Variants in ANKRD6 observed in about 807,000 individuals in gnomAD.
The protein encoded by ANKRD6 is ankyrin repeat domain-containing protein 6.
A neutral mutation model predicts 82.3 loss-of-function variants in ANKRD6; 56 were observed. The observed-to-expected ratio is 0.68, with a 90% CI of 0.55 to 0.85. ANKRD6 has a LOEUF of 0.85. Among genes scored for constraint, ANKRD6 ranks in the 40% least tolerant of loss-of-function variants. The pLI, the probability that ANKRD6 is intolerant of heterozygous loss-of-function variation, is 0.00. For synonymous variants in ANKRD6, 347 were observed against 352.1 expected (o/e 0.99, Z 0.16); for missense variants, 852 against 907.6 (o/e 0.94, Z 0.79).
At chr6:89,574,492 C>T (rs755400155) in intron 2 of ANKRD6, among the ~76,000 whole-genome samples, 22 of 152,140 alleles carry the variant, frequency 1.4e-4, no homozygotes, top group Non-Finnish European at 2.5e-4. Context: ...TCTAAGTGGA[C>T]ATAAAATATT....
chr6:89,590,347 T>C (rs955885713), intron 2 of ANKRD6, among the ~76,000 whole-genome samples: 2 of 152,088 alleles, frequency 1.3e-5, no homozygotes, highest in Non-Finnish European at 2.9e-5. Flanking sequence ...CATCCTGTGG[T>C]TCTCAACAAG....
rs1775318842 is a variant in ANKRD6 at position 89,470,512 on chromosome 6, T to C, written c.-144+37137T>C. 1.3e-5 allele frequency among the ~76,000 whole-genome samples: 2 copies of C among 152,002 alleles called. 1 individual carries two copies. Among genetic ancestry groups the C allele is most frequent in the Non-Finnish European group, 2.9e-5 (2 of 67,992 alleles). On this transcript the variant is annotated intron_variant, in intron 1 of 15. Coordinates refer to ENST00000339746, the MANE Select transcript of ANKRD6 (RefSeq NM_001242809.2). ...GATGAGTGCCTATAGTCCCAGATACTCAGGAGGCTGAGGCAAGAGGATTGT... is the reference window on the plus strand; with the variant it reads ...GATGAGTGCCTATAGTCCCAGATACCCAGGAGGCTGAGGCAAGAGGATTGT...
intron 1 of ANKRD6, among the ~76,000 whole-genome samples, chr6:89,565,986 C>T (rs1788440775): frequency 6.6e-6 from 1 of 152,106 alleles, no homozygotes. Context: ...GGGGGGAGTC[C>T]CAGTCTTTAA....
rs1337962307 is a variant in ANKRD6 at position 89,626,672 on chromosome 6, G to T, written c.1372-911G>T. ...GGGAGCTCACCAGTGAGCCTTCGCGGATTGGCTCTTCCTAACAATAGTTCC... is the reference window on the plus strand; with the variant it reads ...GGGAGCTCACCAGTGAGCCTTCGCGTATTGGCTCTTCCTAACAATAGTTCC... On this transcript the variant is annotated intron_variant, in intron 13 of 15. Coordinates refer to ENST00000339746, the MANE Select transcript of ANKRD6 (RefSeq NM_001242809.2). Among the ~76,000 whole-genome samples, 4 of 152,224 alleles carry T rather than the reference G, an allele frequency of 2.6e-5. No individual in the cohort carries two copies. In the South Asian group the frequency reaches 8.3e-4, roughly 32 times the overall value.
chr6:89,607,610 T>C (rs918169859), intron 5 of ANKRD6, among the ~76,000 whole-genome samples: 2 of 152,122 alleles, frequency 1.3e-5, no homozygotes, highest in African/African-American at 4.8e-5. Context: ...TTTCCCAAAT[T>C]TTCCAGAATG....
intron 10 of ANKRD6, among the ~76,000 whole-genome samples, chr6:89,623,038 G>A (rs1409673511): frequency 1.4e-5 from 2 of 146,384 alleles, no homozygotes; most frequent in East Asian, 2.2e-4. Flanking sequence ...GGGCGGGAGG[G>A]GGGCTGCATC....
rs372393432 is a variant in ANKRD6, at chr6:89,480,941, C to CAAAA, written c.-144+47577_-144+47580dup. ...TGGGTGACAGAGTAAGACCCTGTCT[C>CAAAA]AAAAAAAAAAAAAATAGAAGAAGAA... On this transcript the variant is annotated intron_variant, in intron 1 of 15. Transcript: ENST00000339746. Among the ~76,000 whole-genome samples the CAAAA allele has an allele frequency of 8.0e-3, 739 of 92,936 alleles. 43 individuals are homozygous for CAAAA. The highest frequency in any genetic ancestry group is 0.03 in the African/African-American group (703 of 23,820). 61.0% of individuals were successfully genotyped at this position (92,936 alleles called of 152,430 possible).
chr6:89,610,871 G>C (rs1421662494), intron 5 of ANKRD6, among the ~76,000 whole-genome samples: 3 of 151,450 alleles, frequency 2.0e-5, no homozygotes, highest in Admixed American at 2.0e-4. Flanking sequence ...TGGGCTAAAG[G>C]GTTTCCCGGA....
chr6:89,478,482 C>T (rs1040021998), intron 1 of ANKRD6: 5 of 152,188 alleles, frequency 3.3e-5, no homozygotes, highest in African/African-American at 1.2e-4. Flanking sequence ...CCTGTAATCC[C>T]AGCACTTTGG....
At position 89,502,920 on chromosome 6, in the gene ANKRD6, C is replaced by T. The variant is rs1779421914; in HGVS notation, c.-143-63914C>T. ...TGGCTGGTTCTAACAGGATTTCCCCCATCCTTTGCTGCAGCTGCTTCTATT... is the reference window on the plus strand; with the variant it reads ...TGGCTGGTTCTAACAGGATTTCCCCTATCCTTTGCTGCAGCTGCTTCTATT... On this transcript the variant is annotated intron_variant, in intron 1 of 15. Coordinates refer to ENST00000339746, the MANE Select transcript of ANKRD6 (RefSeq NM_001242809.2). Among the ~76,000 whole-genome samples the T allele has an allele frequency of 2.6e-5, 4 of 152,074 alleles. No homozygotes were observed. In the South Asian group the frequency reaches 8.3e-4, roughly 32 times the overall value.
chr6:89,501,103 T>G (rs1251628291), intron 1 of ANKRD6, among the ~76,000 whole-genome samples: 1 of 151,996 alleles, frequency 6.6e-6, no homozygotes. Flanking sequence ...AGCTTTTGCC[T>G]GCATCATAAT....
At chr6:89,561,479 G>C (rs771861672) in intron 1 of ANKRD6, 3 of 152,168 alleles carry the variant, frequency 2.0e-5, no homozygotes, top group Non-Finnish European at 2.9e-5. Flanking sequence ...ACTGTGTTAA[G>C]GGCCCTACCT....
intron 2 of ANKRD6, among the ~76,000 whole-genome samples, chr6:89,589,095 C>G (rs1392694476): frequency 6.6e-6 from 1 of 151,900 alleles, no homozygotes; most frequent in African/African-American, 2.4e-5. Flanking sequence ...GGGTCTTGTC[C>G]AGGTCTGCTC....
intron 1 of ANKRD6, among the ~76,000 whole-genome samples, chr6:89,459,213 G>A (rs1318672411): frequency 1.3e-5 from 2 of 152,090 alleles, no homozygotes; most frequent in African/African-American, 4.8e-5. Flanking sequence ...CGAGTAGCTG[G>A]GATTACAGGC....
chr6:89,523,173 A>G (rs1266197225), intron 1 of ANKRD6, among the ~76,000 whole-genome samples: 1 of 152,204 alleles, frequency 6.6e-6, no homozygotes, highest in African/African-American at 2.4e-5. Flanking sequence ...AAGGGTGTTT[A>G]AGGAGCTGTG....
intron 1 of ANKRD6, among the ~76,000 whole-genome samples, chr6:89,468,421 G>GTTTT (rs1162751133): frequency 2.6e-5 from 4 of 152,048 alleles, no homozygotes; most frequent in Non-Finnish European, 4.4e-5. Flanking sequence ...TGGTTAAGCT[G>GTTTT]TTTTTGATGG....
chr6:89,444,718 A>G (rs854878), intron 1 of ANKRD6, among the ~76,000 whole-genome samples: 25,824 of 152,278 alleles, frequency 0.17, 2,704 homozygotes, highest in Non-Finnish European at 0.23. Flanking sequence ...CTGTAATCCC[A>G]GCACTTTGGG....
At chr6:89,470,410 G>C (rs1258157185) in intron 1 of ANKRD6, among the ~76,000 whole-genome samples, 2 of 152,174 alleles carry the variant, frequency 1.3e-5, no homozygotes, top group African/African-American at 4.8e-5. Flanking sequence ...CTTGAGCCCA[G>C]AAATTCAAGA....
chr6:89,550,784 T>C (rs1785732462), intron 1 of ANKRD6, among the ~76,000 whole-genome samples: 2 of 151,988 alleles, frequency 1.3e-5, no homozygotes, highest in South Asian at 4.2e-4. Context: ...GGTGAAACCC[T>C]GTCTCTACTA....
Sources: allele counts gnomAD v4.1 joint callset (sites outside exome capture counted in the v4.1 genomes callset), GRCh38; gene constraint gnomAD v4.1.1; transcripts MANE v1.5; gene names NCBI Gene and HGNC (gene_info 2026-07-23, HGNC 2026-07-21).